The following PPARGC1B variants were observed in gnomAD, a reference collection of about 807,000 sequenced individuals.
PPARGC1B encodes peroxisome proliferator-activated receptor gamma coactivator 1-beta.
PPARGC1B carries 34 observed loss-of-function variants against 101.6 expected under a neutral mutation model. The ratio of observed to expected loss-of-function variants is 0.33; its 90% CI spans 0.25 to 0.45. The LOEUF (loss-of-function observed/expected upper bound fraction) is 0.45. Among genes scored for constraint, PPARGC1B ranks in the 20% least tolerant of loss-of-function variants. The probability of loss-of-function intolerance (pLI) is 1.00; values close to 1 mark genes in which losing one functional copy is unlikely to be tolerated. For synonymous variants in PPARGC1B, 548 were observed against 539.3 expected, an observed-to-expected ratio of 1.02 and a Z score of -0.22; for missense variants, 1,234 against 1,317.6, an observed-to-expected ratio of 0.94 and a Z score of 0.98.
chr5:149,813,733 A>G (rs1340645323), intron 1 of PPARGC1B, among the ~76,000 whole-genome samples: 2 of 152,210 alleles, frequency 1.3e-5, no homozygotes, highest in Non-Finnish European at 2.9e-5. Flanking sequence ...CTGCTTCTGT[A>G]ACAACATACC....
intron 1 of PPARGC1B, among the ~76,000 whole-genome samples, chr5:149,732,042 G>T (rs1457463814): frequency 1.2e-5 from 1 of 83,856 alleles, no homozygotes. Flanking sequence ...GGTTGCGCGC[G>T]CGGGTGTGTG....
chr5:149,817,282 G>A (rs1315968890), intron 1 of PPARGC1B, among the ~76,000 whole-genome samples: 2 of 152,126 alleles, frequency 1.3e-5, no homozygotes, highest in African/African-American at 4.8e-5. Context: ...AGACAAGCCT[G>A]GGCAACATAG....
At chr5:149,830,360 C>G (rs1226297617) in intron 3 of PPARGC1B, among the ~76,000 whole-genome samples, 1 of 151,746 alleles carries the variant, frequency 6.6e-6, no homozygotes, top group Non-Finnish European at 1.5e-5. Context: ...GAATCCCATA[C>G]CAGAGAATCA....
chr5:149,847,771 G>C lies in PPARGC1B; in HGVS notation c.*213G>C, dbSNP rs1581129933. 3.6e-6 allele frequency: 2 copies of C among 556,480 alleles called. No individual in the cohort carries two copies. Among genetic ancestry groups the C allele is most frequent in the Admixed American group, 6.3e-5 (2 of 31,834 alleles). 34.5% of individuals were successfully genotyped at this position (556,480 alleles called of 1,614,324 possible). ...TCTGTCTGTGAGTTTCCATGGTGTT[G>C]ACGTTCCACTGCCACATTAGTGTCC... On this transcript the variant is annotated 3_prime_UTR_variant, in exon 12 of 12. Transcript: ENST00000309241.
chr5:149,794,466 T>G (rs1378599263), intron 1 of PPARGC1B, among the ~76,000 whole-genome samples: 1 of 151,958 alleles, frequency 6.6e-6, no homozygotes, highest in Non-Finnish European at 1.5e-5. Flanking sequence ...CCAAAGCACT[T>G]TGTTCTGATT....
chr5:149,820,675 C>A, intron 2 of PPARGC1B, 69 bp downstream of exon 2: 1 of 1,446,882 alleles, frequency 6.9e-7, no homozygotes, highest in Non-Finnish European at 9.5e-7. Context: ...CCCGGCTCTG[C>A]CCTGCTCTGC....
intron 1 of PPARGC1B, among the ~76,000 whole-genome samples, chr5:149,769,155 A>T (rs1756028514): frequency 6.6e-6 from 1 of 152,234 alleles, no homozygotes; most frequent in African/African-American, 2.4e-5. Flanking sequence ...GCAGTTCACA[A>T]TAGGGGTTGT....
intron 1 of PPARGC1B, chr5:149,818,710 C>T (rs527957080): frequency 1.7e-5 from 7 of 401,276 alleles, no homozygotes; most frequent in Admixed American, 1.1e-4. Flanking sequence ...GAGAAGTTCC[C>T]GCTCCTCTCT....
intron 1 of PPARGC1B, among the ~76,000 whole-genome samples, chr5:149,754,774 ATTTTTTTT>A (rs10560122): frequency 1.5e-5 from 1 of 68,466 alleles, no homozygotes; most frequent in East Asian, 4.4e-4. Context: ...GAGCATCCTG[ATTTTTTTT>A]TTTTTTTTTT....
chr5:149,808,523 C>T (rs1757682676), intron 1 of PPARGC1B, among the ~76,000 whole-genome samples: 1 of 152,092 alleles, frequency 6.6e-6, no homozygotes, highest in Non-Finnish European at 1.5e-5. Context: ...CATGTATCTT[C>T]ATTCTTGACC....
At chr5:149,731,351 C>G (rs1206447614) in intron 1 of PPARGC1B, among the ~76,000 whole-genome samples, 1 of 152,210 alleles carries the variant, frequency 6.6e-6, no homozygotes, top group African/African-American at 2.4e-5. Flanking sequence ...ACCCCTTCCC[C>G]CATTTTCCCC....
In PPARGC1B at chr5:149,839,648, T is replaced by A. The variant is rs1759252219; in HGVS notation, c.2619-393T>A. ...CCCATCTCAAACCTGAGCCTCAGATTTTTCATCTGGAAAATGGAGAAACAT... is the reference window on the plus strand; with the variant it reads ...CCCATCTCAAACCTGAGCCTCAGATATTTCATCTGGAAAATGGAGAAACAT... On this transcript the variant is annotated intron_variant, in intron 8 of 11. Coordinates refer to ENST00000309241, the MANE Select transcript of PPARGC1B (RefSeq NM_133263.4). Among the ~76,000 whole-genome samples, 7 of 152,220 alleles carry A rather than the reference T, an allele frequency of 4.6e-5. No homozygotes were observed. In the South Asian group the frequency reaches 1.4e-3, roughly 32 times the overall value.
intron 1 of PPARGC1B, among the ~76,000 whole-genome samples, chr5:149,784,927 G>A (rs142706188): frequency 6.6e-6 from 1 of 152,228 alleles, no homozygotes; most frequent in East Asian, 1.9e-4. Flanking sequence ...ACTGGCCTGA[G>A]GTCTCCCCCA....
At chr5:149,785,915 C>CTTTTTTTTTTTTTTTTTTTTTTT (rs10622982) in intron 1 of PPARGC1B, among the ~76,000 whole-genome samples, 1 of 140,398 alleles carries the variant, frequency 7.1e-6, no homozygotes. Context: ...GACACTCATT[C>CTTTTTTTTTTTTTTTTTTTTTTT]TTTTTTTTTT....
chr5:149,808,835 C>T (rs1300760409), intron 1 of PPARGC1B, among the ~76,000 whole-genome samples: 1 of 152,170 alleles, frequency 6.6e-6, no homozygotes, highest in East Asian at 1.9e-4. Context: ...CCAGACACAG[C>T]CCCTGCTCAC....
At chr5:149,835,748 G>T (rs1002521580) in intron 7 of PPARGC1B, among the ~76,000 whole-genome samples, 11 of 152,132 alleles carry the variant, frequency 7.2e-5, no homozygotes, top group African/African-American at 2.4e-5. Context: ...GGATGACTGG[G>T]AGGTTCCAGC....
At position 149,850,344 on chromosome 5, in the gene PPARGC1B, A is replaced by G. The variant is rs1759721976; in HGVS notation, c.*2786A>G. 1 of 152,224 alleles carries G rather than the reference A, an allele frequency of 6.6e-6. No homozygotes were observed. The highest frequency in any genetic ancestry group is 2.4e-5 in the African/African-American group (1 of 41,458). The allele number at this position is 152,224 out of a possible 1,614,324, so 9.4% of individuals were successfully genotyped here. A position where few individuals can be genotyped will look rare whatever the true frequency, so the allele number is the denominator to read the frequency against. ...CTGTCCTTTCATGTCAGATTAACCT[A>G]GGACACTTGTAGTTAGCTTAGACGT... is the stretch of plus-strand genomic sequence containing the variant. On this transcript the variant is annotated 3_prime_UTR_variant, in exon 12 of 12. Coordinates refer to ENST00000309241, the MANE Select transcript of PPARGC1B (RefSeq NM_133263.4).
Position 149,790,613 on chromosome 5 carries a change from G to A in PPARGC1B, c.79-29820G>A, listed in dbSNP as rs370370671. ...TCTGATTCTAGGCTGAGGCATCTGGGAGTGTACAAGTGCCCTTGTTTGGGG... is the reference window on the plus strand; with the variant it reads ...TCTGATTCTAGGCTGAGGCATCTGGAAGTGTACAAGTGCCCTTGTTTGGGG... On this transcript the variant is annotated intron_variant, in intron 1 of 11. Transcript: ENST00000309241. Among the ~76,000 whole-genome samples, 4 of 152,272 alleles carry A rather than the reference G, an allele frequency of 2.6e-5. No individual in the cohort carries two copies. In the East Asian group the frequency reaches 7.7e-4, roughly 29 times the overall value.
At position 149,849,234 on chromosome 5, in the gene PPARGC1B, T is replaced by C. The variant is rs1759684791; in HGVS notation, c.*1676T>C. ...TTTTAAAGATTATCAAATACCTCAGTAGGTAAAATGAGCCCATGATCTTCC... is the reference window on the plus strand; with the variant it reads ...TTTTAAAGATTATCAAATACCTCAGCAGGTAAAATGAGCCCATGATCTTCC... On this transcript the variant is annotated 3_prime_UTR_variant, in exon 12 of 12. Coordinates refer to ENST00000309241, the MANE Select transcript of PPARGC1B (RefSeq NM_133263.4). 1 of 152,098 alleles carries C rather than the reference T, an allele frequency of 6.6e-6. No homozygotes were observed. Among genetic ancestry groups the C allele is most frequent in the Non-Finnish European group, 1.5e-5 (1 of 68,030 alleles). 9.4% of individuals were successfully genotyped at this position (152,098 alleles called of 1,614,324 possible).
Sources: allele counts gnomAD v4.1 joint callset (sites outside exome capture counted in the v4.1 genomes callset), GRCh38; gene constraint gnomAD v4.1.1; transcripts MANE v1.5; gene names NCBI Gene and HGNC (gene_info 2026-07-23, HGNC 2026-07-21).